PLCXD1: variants seen among roughly 807,000 people sequenced by gnomAD.
The protein encoded by PLCXD1 is phosphatidylinositol specific phospholipase C X domain containing 1.
A neutral mutation model predicts 37.8 loss-of-function variants in PLCXD1; 45 were observed. The ratio of observed to expected loss-of-function variants is 1.19; its 90% CI spans 0.94 to 1.53. PLCXD1 has a LOEUF of 1.53. PLCXD1 is among the 40% of genes most tolerant of loss of function. PLCXD1 has a pLI of 0.00. For synonymous variants in PLCXD1, 246 were observed against 206.9 expected (o/e 1.19, Z -1.62); for missense variants, 539 against 454.7 (o/e 1.19, Z -1.69).
At chrX:279,444 A>AT (rs1463668487), upstream of PLCXD1, among the ~76,000 whole-genome samples, 1 of 152,150 alleles carries the variant, frequency 6.6e-6, no homozygotes, top group Non-Finnish European at 1.5e-5. Context: ...CATAAGGTAG[A>AT]TTTTAAAATT....
rs778189473 is a variant in PLCXD1, at chrX:287,998, G to A, written c.128-735G>A. ...CGTCCTCCTGAGGCTCTAGGGGAGG[G>A]TCCTTCCTGCCTCTCCCAGCTCCTG... On this transcript the variant is annotated intron_variant, in intron 2 of 6. Coordinates refer to ENST00000381657, the MANE Select transcript of PLCXD1 (RefSeq NM_018390.4). Among the ~76,000 whole-genome samples the A allele has an allele frequency of 2.7e-3, 398 of 145,182 alleles. 2 individuals are homozygous for A. Among genetic ancestry groups the A allele is most frequent in the African/African-American group, 0.01 (380 of 37,120 alleles).
chrX:281,231 CCTGGGGACCCGGAGCCGCGGTACAGG>C (rs1380743154), upstream of PLCXD1: 2 of 230,568 alleles, frequency 8.7e-6, no homozygotes, highest in Non-Finnish European at 1.7e-5. Flanking sequence ...CCAGCTCCCT[CCTGGGGACCCGGAGCCGCGGTACAGG>C]TGTGGTTGCT....
intron 5 of PLCXD1, among the ~76,000 whole-genome samples, chrX:292,217 A>G (rs1357075662): frequency 6.6e-6 from 1 of 152,040 alleles, no homozygotes; most frequent in African/African-American, 2.4e-5. Flanking sequence ...GGACTTTGGG[A>G]GGCCGAGGCG....
intron 2 of PLCXD1, among the ~76,000 whole-genome samples, chrX:285,133 C>CACAA (rs752205474): frequency 3.2e-5 from 2 of 62,142 alleles, no homozygotes; most frequent in Admixed American, 1.4e-4. Flanking sequence ...TGCGCACACA[C>CACAA]ATACATGCAT....
chrX:289,453 AG>A (rs2069557906), intron 3 of PLCXD1, among the ~76,000 whole-genome samples: 1 of 150,834 alleles, frequency 6.6e-6, no homozygotes, highest in African/African-American at 2.4e-5. Context: ...AGAGCTGCAG[AG>A]GGAGAGGGTC....
At position 288,740 on chromosome X, in the gene PLCXD1, C is replaced by A. The variant is rs777635871; in HGVS notation, c.135C>A (p.His45Gln). 1.9e-6 allele frequency: 3 copies of A among 1,613,832 alleles called. No homozygotes were observed. The highest frequency in any genetic ancestry group is 2.2e-5 in the East Asian group (1 of 44,872). Residue 45 changes from histidine (H) to glutamine (Q), a missense_variant, in exon 3 of 7, where the codon CAC becomes CAA. His to Gln is a conservative substitution (Grantham distance 24). Coordinates refer to ENST00000381657, the MANE Select transcript of PLCXD1 (RefSeq NM_018390.4). Reference protein sequence around the residue: ...PLHHLSIPGSHDTMTYCLNKK... With the variant: ...PLHHLSIPGSQDTMTYCLNKK... ...TGTGTGCTTTGCTCTCAGGGAGCCA[C>A]GACACGATGACGTACTGCCTGAACA...
chrX:296,155 C>G (rs113087893), intron 6 of PLCXD1, among the ~76,000 whole-genome samples: 13,705 of 150,302 alleles, frequency 0.091, 683 homozygotes, highest in Non-Finnish European at 0.11. Context: ...GAGTCTTGCT[C>G]TGTCACCCAG....
upstream of PLCXD1, chrX:281,159 G>A (rs1398845604): frequency 5.0e-6 from 1 of 198,466 alleles, no homozygotes; most frequent in Admixed American, 6.1e-5. Flanking sequence ...AGGCGGAGCG[G>A]GGGGCGTGCA....
At chrX:283,631 C>G (rs1196231185) in intron 1 of PLCXD1, 29 of 124,396 alleles carry the variant, frequency 2.3e-4, no homozygotes, top group African/African-American at 7.8e-4. Context: ...TGTTGCCAGG[C>G]CCGGGTGGGG....
rs979244212 is a variant in PLCXD1, at chrX:303,114, T to C, written c.*3779T>C. 1 of 152,132 alleles carries C rather than the reference T, an allele frequency of 6.6e-6. No homozygotes were observed. Among genetic ancestry groups the C allele is most frequent in the African/African-American group, 2.4e-5 (1 of 41,428 alleles). The allele number at this position is 152,132 out of a possible 1,614,324, so 9.4% of individuals were successfully genotyped here. On this transcript the variant is annotated 3_prime_UTR_variant, in exon 7 of 7. Coordinates refer to ENST00000381657, the MANE Select transcript of PLCXD1 (RefSeq NM_018390.4). ...ATCCGCTTCTACTTTTGGTACCCGG[T>C]TGCTACGGTGAAATGAAGGTGCCCC...
chrX:299,713 T>G lies in PLCXD1; in HGVS notation c.*378T>G. On this transcript the variant is annotated 3_prime_UTR_variant, in exon 7 of 7. Transcript: ENST00000381657. Reference sequence around the variant, plus strand: ...TGGAGGTTGCATTGAGCTGACATCGTGCCACTGCACTCCAGTCTGAATGAT... The same window carrying G: ...TGGAGGTTGCATTGAGCTGACATCGGGCCACTGCACTCCAGTCTGAATGAT... 1 of 325,252 alleles carries G rather than the reference T, an allele frequency of 3.1e-6. No individual in the cohort carries two copies. The highest frequency in any genetic ancestry group is 3.7e-5 in the South Asian group (1 of 27,364). 20.1% of individuals were successfully genotyped at this position (325,252 alleles called of 1,614,324 possible). A position where few individuals can be genotyped will look rare whatever the true frequency, so the allele number is the denominator to read the frequency against.
chrX:298,695 T>C (rs1404301179), intron 6 of PLCXD1, among the ~76,000 whole-genome samples: 3 of 52,520 alleles, frequency 5.7e-5, no homozygotes, highest in East Asian at 6.1e-4. Context: ...ATTCTGTCTA[T>C]CACATGGGGA....
At chrX:294,770 C>T (rs1205495452) in intron 6 of PLCXD1, among the ~76,000 whole-genome samples, 2 of 152,054 alleles carry the variant, frequency 1.3e-5, no homozygotes, top group African/African-American at 4.8e-5. Context: ...AGCCAGTGTA[C>T]TCCAGCCTGG....
intron 6 of PLCXD1, among the ~76,000 whole-genome samples, chrX:294,656 T>A (rs2069747754): frequency 6.6e-6 from 1 of 150,980 alleles, no homozygotes; most frequent in Non-Finnish European, 1.5e-5. Context: ...AGAGAAAAAT[T>A]AGCCAGGCAT....
chrX:284,661 C>T (rs1282169653), intron 2 of PLCXD1, among the ~76,000 whole-genome samples: 3 of 35,288 alleles, frequency 8.5e-5, no homozygotes, highest in South Asian at 1.4e-3. Flanking sequence ...CACATCTGCA[C>T]ACACACATGC....
chrX:294,872 G>A (rs1258167622), intron 6 of PLCXD1, among the ~76,000 whole-genome samples: 2 of 151,782 alleles, frequency 1.3e-5, no homozygotes, highest in African/African-American at 2.4e-5. Context: ...TCCCAGCCGA[G>A]TTGTGCAATT....
intron 1 of PLCXD1, 90 bp downstream of exon 1, chrX:281,774 C>G (rs930894484): frequency 6.6e-6 from 1 of 152,096 alleles, no homozygotes; most frequent in Non-Finnish European, 1.5e-5. Flanking sequence ...TTTCTTTTTT[C>G]TTGAGACAGA....
chrX:276,362 T>C (rs1423458118), exon 1 of PLCXD1: 1 of 152,212 alleles, frequency 6.6e-6, no homozygotes, highest in Non-Finnish European at 1.5e-5. Context: ...CGGCGGGAGC[T>C]GCCAGGAGCT....
rs752560538 is a variant in PLCXD1 at position 300,892 on chromosome X, G to C, written c.*1557G>C. ...CTAATTTCATATATTTAGTAGAGAC[G>C]GGGTTTCTCCGCGTTGGTCAGGCCG... On this transcript the variant is annotated 3_prime_UTR_variant, in exon 7 of 7. Coordinates refer to ENST00000381657, the MANE Select transcript of PLCXD1 (RefSeq NM_018390.4). 1 of 151,956 alleles carries C rather than the reference G, an allele frequency of 6.6e-6. No individual in the cohort carries two copies. Among genetic ancestry groups the C allele is most frequent in the Admixed American group, 6.6e-5 (1 of 15,246 alleles). The allele number at this position is 151,956 out of a possible 1,614,324, so 9.4% of individuals were successfully genotyped here. A position where few individuals can be genotyped will look rare whatever the true frequency, so the allele number is the denominator to read the frequency against.
Sources: gnomAD v4.1 joint callset for allele counts (sites outside exome capture counted in the v4.1 genomes callset) on GRCh38, gnomAD v4.1.1 for gene constraint, MANE v1.5 for transcripts, NCBI Gene and HGNC (gene_info 2026-07-23, HGNC 2026-07-21) for gene names.